The following BRD10 variants were observed in gnomAD, a reference collection of about 807,000 sequenced individuals.
BRD10 encodes uncharacterized bromodomain-containing protein 10.
At chr9:5,895,597 T>C in the BRD10 span, among the ~76,000 whole-genome samples, 12 of 152,162 alleles carry the variant, frequency 7.9e-5, no homozygotes, top group Non-Finnish European at 1.5e-4. Flanking sequence ...CTTTGAAACC[T>C]CAGTGGAGAG....
At chr9:5,945,732 C>G in the BRD10 span, among the ~76,000 whole-genome samples, 2 of 151,964 alleles carry the variant, frequency 1.3e-5, no homozygotes, top group African/African-American at 4.8e-5. Context: ...TAAAATTATA[C>G]TGAATTTCTC....
At chr9:5,906,690 G>A in the BRD10 span, among the ~76,000 whole-genome samples, 1 of 152,220 alleles carries the variant, frequency 6.6e-6, no homozygotes, top group Non-Finnish European at 1.5e-5. Flanking sequence ...GCAATTCTGA[G>A]AGGTAGGTAG....
At chr9:5,958,314 T>C in the BRD10 span, among the ~76,000 whole-genome samples, 48 of 152,356 alleles carry the variant, frequency 3.2e-4, no homozygotes, top group African/African-American at 1.2e-3. Flanking sequence ...TCTGGAAATA[T>C]GCCTTTTATA....
chr9:5,982,833 T>C, the BRD10 span, among the ~76,000 whole-genome samples: 4 of 152,108 alleles, frequency 2.6e-5, no homozygotes, highest in African/African-American at 7.2e-5. Flanking sequence ...GTTGAGGGGA[T>C]AGAGATTGGC....
chr9:5,936,433 A>T, the BRD10 span, among the ~76,000 whole-genome samples: 6 of 152,168 alleles, frequency 3.9e-5, no homozygotes, highest in Non-Finnish European at 1.5e-5. Flanking sequence ...TCCTAATTAA[A>T]AGCAGCTGCT....
At chr9:5,968,339 G>A in the BRD10 span, 16 of 1,609,558 alleles carry the variant, frequency 9.9e-6, no homozygotes, top group African/African-American at 1.7e-4. Flanking sequence ...TTCTTTTAAT[G>A]GACTGGGTTC....
At chr9:5,897,722 T>C in the BRD10 span, 1 of 1,320,294 alleles carries the variant, frequency 7.6e-7, no homozygotes, top group Admixed American at 1.7e-5. Flanking sequence ...TTCCTCTGAA[T>C]CTCTGGAGAG....
At chr9:5,938,581 T>C in the BRD10 span, among the ~76,000 whole-genome samples, 1 of 152,228 alleles carries the variant, frequency 6.6e-6, no homozygotes, top group East Asian at 1.9e-4. Context: ...AAGTTCCTGG[T>C]ACTATACACA....
chr9:5,890,888 T>A, the BRD10 span: 5 of 152,236 alleles, frequency 3.3e-5, no homozygotes, highest in South Asian at 1.0e-3. Context: ...AGAGAAGCAG[T>A]CTTCATACAC....
chr9:5,916,567 A>T, the BRD10 span, among the ~76,000 whole-genome samples: 2 of 88,388 alleles, frequency 2.3e-5, no homozygotes, highest in Admixed American at 1.2e-4. Context: ...TATATAAAAC[A>T]TATATAAAAC....
chr9:5,917,846 C>T, the BRD10 span, among the ~76,000 whole-genome samples: 1 of 151,866 alleles, frequency 6.6e-6, no homozygotes, highest in African/African-American at 2.4e-5. Context: ...GAGAAGACCC[C>T]GTCTCAAAAA....
At chr9:5,968,185 T>G in the BRD10 span, 1 of 1,611,950 alleles carries the variant, frequency 6.2e-7, no homozygotes, top group South Asian at 1.1e-5. Flanking sequence ...TCTTCTTTTT[T>G]GCCCTCATTT....
chr9:6,007,080 C>A, the BRD10 span: 2 of 1,062,746 alleles, frequency 1.9e-6, no homozygotes, highest in South Asian at 1.5e-5. Context: ...TCTCCAGCAC[C>A]GACTCAGCAC....
the BRD10 span, among the ~76,000 whole-genome samples, chr9:5,888,158 T>G: frequency 6.6e-6 from 1 of 151,912 alleles, no homozygotes; most frequent in East Asian, 1.9e-4. Context: ...TCCGGTGGGG[T>G]TTTTTTTCTT....
At chr9:5,901,166 C>A in the BRD10 span, among the ~76,000 whole-genome samples, 1 of 151,964 alleles carries the variant, frequency 6.6e-6, no homozygotes, top group Non-Finnish European at 1.5e-5. Context: ...TGGTAATTGA[C>A]AAGGGCAGTT....
chr9:5,914,415 T>TG, the BRD10 span, among the ~76,000 whole-genome samples: 3 of 100,346 alleles, frequency 3.0e-5, no homozygotes, highest in African/African-American at 8.7e-5. Flanking sequence ...AGATGGTTTT[T>TG]TTTTTTTTTT....
chr9:5,881,427 T>C, the BRD10 span, among the ~76,000 whole-genome samples: 8 of 152,206 alleles, frequency 5.3e-5, no homozygotes, highest in Non-Finnish European at 1.2e-4. Context: ...AGCCTAACAG[T>C]TAAAATGCTC....
At chr9:5,941,335 A>T in the BRD10 span, among the ~76,000 whole-genome samples, 1 of 152,196 alleles carries the variant, frequency 6.6e-6, no homozygotes, top group Admixed American at 6.5e-5. Context: ...CTAAAACCAC[A>T]AAAATAAAAA....
chr9:5,880,750 G>T, the BRD10 span, among the ~76,000 whole-genome samples: 1 of 149,748 alleles, frequency 6.7e-6, no homozygotes, highest in African/African-American at 2.5e-5. Flanking sequence ...TGTCGCCCAG[G>T]CTGGAGTGCA....
Sources: gnomAD v4.1 joint callset for allele counts (sites outside exome capture counted in the v4.1 genomes callset) on GRCh38, gnomAD v4.1.1 for gene constraint, MANE v1.5 for transcripts, NCBI Gene and HGNC (gene_info 2026-07-23, HGNC 2026-07-21) for gene names.